CLHC1: variants seen among roughly 807,000 people sequenced by gnomAD.
CLHC1 encodes clathrin heavy chain linker domain containing 1.
Under a neutral mutation model 69.5 loss-of-function variants are expected in CLHC1, and 72 were observed. That is an observed-to-expected ratio of 1.04 (90% CI 0.86 to 1.26). The LOEUF is 1.26. CLHC1 is among the 50% of genes most tolerant of loss of function. The pLI is 0.00. For synonymous variants in CLHC1, 223 were observed against 224.3 expected, an observed-to-expected ratio of 0.99 and a Z score of 0.05; for missense variants, 790 against 679.3, an observed-to-expected ratio of 1.16 and a Z score of -1.81.
At chr2:55,232,456 C>A, upstream of CLHC1, 1 of 338,564 alleles carries the variant, frequency 3.0e-6, no homozygotes, top group Non-Finnish European at 5.7e-6. Flanking sequence ...ACGGGAAAAG[C>A]CTTTTTAAAA....
Position 55,222,370 on chromosome 2 carries a change from A to G in CLHC1, c.42T>C (p.Pro14=), listed in dbSNP as rs1674216924. ...ATTCCTTGTCACTTCTACAAATGAT[A>G]GGTGGGAGAACTGCATGTTTTCTTA... ...HQIRKHAVLP[P]IICRSDKEFL... is the part of the protein sequence containing the mutation. Residue 14 remains proline, a synonymous_variant, in exon 3 of 13, where the codon CCT becomes CCC. Coordinates refer to ENST00000401408, the MANE Select transcript of CLHC1 (RefSeq NM_152385.4). 6.2e-7 allele frequency: 1 copy of G among 1,613,820 alleles called. No homozygotes were observed. The highest frequency in any genetic ancestry group is 1.7e-5 in the Admixed American group (1 of 59,984).
At chr2:55,227,677 CAAAAA>C (rs372124703) in intron 2 of CLHC1, among the ~76,000 whole-genome samples, 1 of 127,704 alleles carries the variant, frequency 7.8e-6, no homozygotes, top group Admixed American at 8.2e-5. Flanking sequence ...GACTCCATCT[CAAAAA>C]AAAAAAAAAA....
chr2:55,182,662 AT>A (rs1442609927), intron 9 of CLHC1, among the ~76,000 whole-genome samples: 1 of 152,202 alleles, frequency 6.6e-6, no homozygotes, highest in Non-Finnish European at 1.5e-5. Context: ...AGAGCCTGAT[AT>A]TTGCCTGGAA....
intron 9 of CLHC1, among the ~76,000 whole-genome samples, chr2:55,191,035 G>A (rs567413412): frequency 9.2e-5 from 14 of 152,160 alleles, no homozygotes; most frequent in African/African-American, 3.1e-4. Context: ...AACATTTCTC[G>A]GCAAAAGTAA....
chr2:55,174,608 T>C lies in CLHC1; in HGVS notation c.*1182A>G, dbSNP rs1043301963. Among the ~76,000 whole-genome samples the C allele has an allele frequency of 6.6e-6, 1 of 152,132 alleles. No homozygotes were observed. The highest frequency in any genetic ancestry group is 6.5e-5 in the Admixed American group (1 of 15,280). ...AGGAAGACTGCCCATATTTTATAAG[T>C]GAGTAAGAGGTAGGACCAGAATTTT... On this transcript the variant is annotated 3_prime_UTR_variant, in exon 13 of 13. Transcript: ENST00000401408.
chr2:55,206,042 A>C (rs1332407083), intron 9 of CLHC1, among the ~76,000 whole-genome samples: 3 of 152,222 alleles, frequency 2.0e-5, no homozygotes, highest in African/African-American at 4.8e-5. Flanking sequence ...TAGTGAGTAC[A>C]TGGGTGTTAA....
chr2:55,183,376 G>C (rs982358115), intron 9 of CLHC1, among the ~76,000 whole-genome samples: 1 of 152,284 alleles, frequency 6.6e-6, no homozygotes, highest in Admixed American at 6.5e-5. Context: ...CCTTTTAAAG[G>C]GCAATGGCGA....
At chr2:55,202,167 T>C (rs1390420378) in intron 9 of CLHC1, among the ~76,000 whole-genome samples, 2 of 138,350 alleles carry the variant, frequency 1.4e-5, no homozygotes, top group South Asian at 4.6e-4. Flanking sequence ...GTTAAAGCAA[T>C]CAGACAAGAA....
At chr2:55,223,035 A>T (rs1194721577) in intron 2 of CLHC1, among the ~76,000 whole-genome samples, 1 of 152,070 alleles carries the variant, frequency 6.6e-6, no homozygotes, top group East Asian at 1.9e-4. Flanking sequence ...AACTATGCAC[A>T]ACTCCTCTCA....
intron 9 of CLHC1, among the ~76,000 whole-genome samples, chr2:55,198,696 G>T (rs567946872): frequency 2.5e-4 from 38 of 152,020 alleles, no homozygotes; most frequent in Non-Finnish European, 4.3e-4. Flanking sequence ...TTAACCCAAA[G>T]AAGACTCTCA....
chr2:55,187,216 T>A (rs1381449831), intron 9 of CLHC1, among the ~76,000 whole-genome samples: 1 of 151,614 alleles, frequency 6.6e-6, no homozygotes, highest in East Asian at 1.9e-4. Flanking sequence ...GAGGCAGAGG[T>A]TGCAGTGGGC....
rs368601927 is a variant in CLHC1 at position 55,209,629 on chromosome 2, C to T, written c.701+1G>A. 1.9e-6 allele frequency: 3 copies of T among 1,613,372 alleles called. No individual in the cohort carries two copies. Among genetic ancestry groups the T allele is most frequent in the East Asian group, 2.2e-5 (1 of 44,862 alleles). ...TAAAAACATATAATCAACTTCCATACCAAAACTGCAATTTTTTGTTCAGAT... is the reference window on the plus strand; with the variant it reads ...TAAAAACATATAATCAACTTCCATATCAAAACTGCAATTTTTTGTTCAGAT... On this transcript the variant is annotated splice_donor_variant, in intron 6 of 12. Coordinates refer to ENST00000401408, the MANE Select transcript of CLHC1 (RefSeq NM_152385.4). LOFTEE classifies it high-confidence loss of function.
intron 2 of CLHC1, among the ~76,000 whole-genome samples, chr2:55,223,192 GCTTATCTGGCCTAGCTTCACCCAGCA>G (rs1674326389): frequency 6.6e-6 from 1 of 152,002 alleles, no homozygotes; most frequent in African/African-American, 2.4e-5. Context: ...CGACCCCGGC[GCTTATCTGGCCTAGCTTCACCCAGCA>G]CACAATAGCA....
intron 10 of CLHC1, 91 bp downstream of exon 10, chr2:55,181,479 G>T: frequency 9.8e-7 from 1 of 1,016,170 alleles, no homozygotes; most frequent in Non-Finnish European, 1.5e-6. Context: ...AAATGTTCAA[G>T]TAACATATTG....
intron 2 of CLHC1, among the ~76,000 whole-genome samples, chr2:55,222,971 CT>C (rs1167164894): frequency 1.3e-5 from 2 of 149,472 alleles, no homozygotes; most frequent in Admixed American, 6.7e-5. Context: ...CCATATGCTG[CT>C]GCTCTGGGAC....
intron 6 of CLHC1, 52 bp from the exon 7 acceptor site, chr2:55,209,568 G>A: frequency 6.3e-7 from 1 of 1,577,198 alleles, no homozygotes; most frequent in Non-Finnish European, 8.7e-7. Context: ...TCAAATGGTG[G>A]AATATTAGAA....
chr2:55,202,275 G>T (rs1482212159), intron 9 of CLHC1, among the ~76,000 whole-genome samples: 4 of 147,532 alleles, frequency 2.7e-5, no homozygotes, highest in Admixed American at 2.0e-4. Flanking sequence ...AAAAAACCTA[G>T]CTGGGTGCGG....
intron 4 of CLHC1, among the ~76,000 whole-genome samples, chr2:55,217,552 A>AATACATATATATATATATAT (rs1673679194): frequency 7.0e-5 from 3 of 43,162 alleles, no homozygotes; most frequent in African/African-American, 3.6e-4. Flanking sequence ...AAAAAAAAAA[A>AATACATATATATATATATAT]ATATATATAT....
At chr2:55,232,426 C>A (rs748784735), upstream of CLHC1, 1 of 294,650 alleles carries the variant, frequency 3.4e-6, no homozygotes, top group South Asian at 3.3e-5. Context: ...TTTAAAAATT[C>A]TCTTAGCCAC....
Sources: gnomAD v4.1 joint callset for allele counts (sites outside exome capture counted in the v4.1 genomes callset) on GRCh38, gnomAD v4.1.1 for gene constraint, MANE v1.5 for transcripts, NCBI Gene and HGNC (gene_info 2026-07-23, HGNC 2026-07-21) for gene names.